Variants in PTPRF observed in about 807,000 individuals in gnomAD.
PTPRF encodes the protein receptor-type tyrosine-protein phosphatase F.
A neutral mutation model predicts 201.8 loss-of-function variants in PTPRF; 59 were observed. The ratio of observed to expected loss-of-function variants is 0.29; its 90% CI spans 0.24 to 0.36. PTPRF has a LOEUF of 0.36. Ranked by LOEUF, PTPRF falls within the 10% of genes least tolerant of loss-of-function variation. The probability of loss-of-function intolerance (pLI) is 1.00; values close to 1 mark genes in which losing one functional copy is unlikely to be tolerated. For missense variants in PTPRF, 2,132 were observed against 2,690.5 expected (o/e 0.79, Z 4.59); for synonymous variants, 1,088 against 1,089.7 (o/e 1.00, Z 0.03).
chr1:43,575,995 G>A (rs545747661), intron 6 of PTPRF: 134 of 1,326,444 alleles, frequency 1.0e-4, no homozygotes, highest in South Asian at 2.0e-4. Flanking sequence ...ACTCCATCCC[G>A]TCCAGTCTGT....
intron 5 of PTPRF, among the ~76,000 whole-genome samples, chr1:43,555,540 G>C (rs978221922): frequency 2.7e-5 from 4 of 150,664 alleles, no homozygotes; most frequent in African/African-American, 7.3e-5. Flanking sequence ...CTGCCTCCTG[G>C]GTTCAAGCGA....
chr1:43,603,298 C>A lies in PTPRF; in HGVS notation c.2341-118C>A. ...CACCATTGTATAGCCCCACCTTCCA[C>A]AACCCCTGGCCTTGTGTGCCCCGGG... On this transcript the variant is annotated intron_variant, in intron 14 of 33. Transcript: ENST00000359947. The surrounding 1 kb of genome is among the most constrained non-coding windows in gnomAD (Gnocchi z 5.8). The A allele has an allele frequency of 1.1e-6, 1 of 881,038 alleles. No homozygotes were observed. Among genetic ancestry groups the A allele is most frequent in the Non-Finnish European group, 1.8e-6 (1 of 540,922 alleles). 54.6% of individuals were successfully genotyped at this position (881,038 alleles called of 1,614,324 possible).
intron 8 of PTPRF, among the ~76,000 whole-genome samples, chr1:43,590,329 T>C (rs960938725): frequency 6.8e-6 from 1 of 147,604 alleles, no homozygotes; most frequent in African/African-American, 2.7e-5. Flanking sequence ...TGATTCTCTC[T>C]TGTACTGAGG....
intron 2 of PTPRF, among the ~76,000 whole-genome samples, chr1:43,544,120 G>T (rs972699677): frequency 6.6e-6 from 1 of 152,230 alleles, no homozygotes; most frequent in Non-Finnish European, 1.5e-5. Flanking sequence ...CATTCAGCCA[G>T]TCCCAGACGC....
chr1:43,584,693 C>T (rs1198820714), intron 7 of PTPRF, among the ~76,000 whole-genome samples: 5 of 152,222 alleles, frequency 3.3e-5, no homozygotes, highest in Admixed American at 6.5e-5. Context: ...TTACATTTTT[C>T]CAGCTTTACT....
upstream of PTPRF, among the ~76,000 whole-genome samples, chr1:43,526,257 AT>A (rs1643104391): frequency 6.6e-6 from 1 of 151,988 alleles, no homozygotes; most frequent in Admixed American, 6.6e-5. Context: ...CTCCTGTATC[AT>A]TTCTCCCTGC....
Position 43,618,745 on chromosome 1 carries a change from A to G in PTPRF, c.4487A>G (p.His1496Arg). ...ATYTVRTFAL[H>R]KSGSSEKREL... ...TACACTGTGCGCACCTTCGCACTCC[A>G]CAAGGTATAGCCTTTCCCCAGTGCA... is the stretch of plus-strand genomic sequence containing the variant. Residue 1496 changes from histidine to arginine, a missense_variant, in exon 26 of 34, where the codon CAC (histidine) becomes CGC (arginine). His to Arg is a conservative substitution (Grantham distance 29, BLOSUM62 0). Around this residue, in one of 6 missense-constraint regions of PTPRF, gnomAD observed 519 missense variants for 659.5 expected, o/e 0.79. Coordinates refer to ENST00000359947, the MANE Select transcript of PTPRF (RefSeq NM_002840.5). 6.2e-7 allele frequency: 1 copy of G among 1,601,040 alleles called. No homozygotes were observed. Among genetic ancestry groups the G allele is most frequent in the Non-Finnish European group, 8.6e-7 (1 of 1,169,266 alleles).
chr1:43,576,225 G>C lies in PTPRF; in HGVS notation c.569-2585G>C, dbSNP rs914428914. Reference sequence around the variant, plus strand: ...CATCCCCACAGAAGGGACCCCATCAGCTCCTACTGTGAAACTTAGCCTGTC... The same window carrying C: ...CATCCCCACAGAAGGGACCCCATCACCTCCTACTGTGAAACTTAGCCTGTC... On this transcript the variant is annotated intron_variant, in intron 6 of 33. Transcript: ENST00000359947. Among the ~76,000 whole-genome samples the C allele has an allele frequency of 2.0e-5, 3 of 152,270 alleles. No homozygotes were observed. The South Asian group carries it at 6.2e-4, about 31-fold the overall frequency.
At chr1:43,540,032 T>C (rs1243821555) in intron 2 of PTPRF, among the ~76,000 whole-genome samples, 1 of 152,016 alleles carries the variant, frequency 6.6e-6, no homozygotes, top group Non-Finnish European at 1.5e-5. Context: ...CTAGGCTCAA[T>C]TGGCAAAGGA....
intron 16 of PTPRF, 55 bp from the exon 17 acceptor site, chr1:43,604,848 C>G (rs1269735316): frequency 1.4e-6 from 2 of 1,474,732 alleles, no homozygotes; most frequent in Non-Finnish European, 1.9e-6. Context: ...CCCTTCCAGC[C>G]CATTCACCCC....
intron 22 of PTPRF, among the ~76,000 whole-genome samples, chr1:43,612,502 A>C (rs1397124752): frequency 6.6e-6 from 1 of 152,166 alleles, no homozygotes; most frequent in Non-Finnish European, 1.5e-5. Flanking sequence ...GAGCCCCCCA[A>C]GGCTGCCGAG....
Position 43,617,870 on chromosome 1 carries a change from G to A in PTPRF, c.4330G>A (p.Ala1444Thr), listed in dbSNP as rs751468520. The change falls in exon 25 of 34, where the codon GCC becomes ACC. Residue 1444 changes from alanine (A) to threonine (T), a missense_variant. Physicochemically the swap from Ala to Thr is moderately conservative, Grantham distance 58. Coordinates refer to ENST00000359947, the MANE Select transcript of PTPRF (RefSeq NM_002840.5). ...GAGGATGGTGTGGGAACAGCGCACG[G>A]CCACTGTGGTCATGATGACACGGCT... Reference protein sequence around the residue: ...FWRMVWEQRTATVVMMTRLEE... With the variant: ...FWRMVWEQRTTTVVMMTRLEE... 4 of 1,613,668 alleles carry A rather than the reference G, an allele frequency of 2.5e-6. No individual in the cohort carries two copies. In the South Asian group the frequency reaches 3.3e-5, roughly 13 times the overall value.
chr1:43,569,735 A>G lies in PTPRF; in HGVS notation c.525A>G (p.Val175=). The change falls in exon 6 of 34, where the codon GTA becomes GTG. Residue 175 remains valine (V), a synonymous_variant. Transcript: ENST00000359947. ...EISWFKDFLP[V]DPATSNGRIK... is the part of the protein sequence containing the mutation. ...CTTGGTTCAAGGACTTCCTTCCTGT[A>G]GACCCTGCCACGAGCAACGGCCGCA... 1 of 1,613,628 alleles carries G rather than the reference A, an allele frequency of 6.2e-7. No individual in the cohort carries two copies. Among genetic ancestry groups the G allele is most frequent in the South Asian group, 1.1e-5 (1 of 91,034 alleles).
chr1:43,606,596 C>T (rs1198737759), intron 20 of PTPRF, 138 bp downstream of exon 20: 2 of 1,097,792 alleles, frequency 1.8e-6, no homozygotes, highest in African/African-American at 1.6e-5. Flanking sequence ...ACTAAAGACC[C>T]AAGATCTGTC....
In PTPRF at chr1:43,606,906, G is replaced by A. The variant is rs199928151; in HGVS notation, c.3795G>A (p.Thr1265=). 5.6e-5 allele frequency: 90 copies of A among 1,614,188 alleles called. No homozygotes were observed. Among genetic ancestry groups the A allele is most frequent in the Middle Eastern group, 3.3e-4 (2 of 6,058 alleles). ...QQEEPEMLWV[T]GPVLAVILII... ...AGGAGCCGGAGATGCTGTGGGTGACGGGTCCCGTGCTGGCAGTCATCCTCA... is the reference window on the plus strand; with the variant it reads ...AGGAGCCGGAGATGCTGTGGGTGACAGGTCCCGTGCTGGCAGTCATCCTCA... Residue 1265 remains threonine (T), a synonymous_variant, in exon 21 of 34, where the codon ACG becomes ACA. Transcript: ENST00000359947.
upstream of PTPRF, among the ~76,000 whole-genome samples, chr1:43,527,170 T>C (rs1427752705): frequency 6.6e-6 from 1 of 152,158 alleles, no homozygotes; most frequent in Non-Finnish European, 1.5e-5. Flanking sequence ...CATCTGGCTC[T>C]CTCCTCACCC....
At chr1:43,551,789 G>C (rs191279537) in intron 3 of PTPRF, among the ~76,000 whole-genome samples, 166 of 152,356 alleles carry the variant, frequency 1.1e-3, no homozygotes, top group African/African-American at 3.8e-3. Flanking sequence ...ACCACGTAAA[G>C]CAGTTTACAG....
At position 43,546,608 on chromosome 1, in the gene PTPRF, A is replaced by T. The variant is rs975045886; in HGVS notation, c.91+1442A>T. ...CCAGGCACTTTCAGGGCCTTCAGAC[A>T]GGAGCTCTAGGGCAGGGGAAGGATG... On this transcript the variant is annotated intron_variant, in intron 3 of 33. Coordinates refer to ENST00000359947, the MANE Select transcript of PTPRF (RefSeq NM_002840.5). This position sits in a 1 kb window ranked among gnomAD's most constrained non-coding sequence, Gnocchi z 4.2. 3.9e-5 allele frequency among the ~76,000 whole-genome samples: 6 copies of T among 151,906 alleles called. No individual in the cohort carries two copies. The highest frequency in any genetic ancestry group is 1.2e-4 in the African/African-American group (5 of 41,320).
Position 43,592,497 on chromosome 1 carries a change from A to G in PTPRF, c.1709A>G (p.Glu570Gly), listed in dbSNP as rs373396517. ...TFDPTSSYTL[E>G]DLKPDTLYRF... ...GACCCAACCTCCTCCTACACACTAG[A>G]GGACCTGAAGCCTGACACACTCTAC... is the stretch of plus-strand genomic sequence containing the variant. Residue 570 changes from glutamate (E) to glycine (G), a missense_variant, in exon 11 of 34, where the codon GAG (glutamate) becomes GGG (glycine). Physicochemically the swap from Glu to Gly is moderately conservative, Grantham distance 98. Coordinates refer to ENST00000359947, the MANE Select transcript of PTPRF (RefSeq NM_002840.5). The G allele has an allele frequency of 4.7e-5, 76 of 1,612,684 alleles. No homozygotes were observed. Among genetic ancestry groups the G allele is most frequent in the Non-Finnish European group, 5.7e-5 (67 of 1,179,656 alleles).
Sources: gnomAD v4.1 joint callset for allele counts (sites outside exome capture counted in the v4.1 genomes callset) on GRCh38, gnomAD v4.1.1 for gene constraint, gnomAD v4.1.1 regional missense constraint, Gnocchi (gnomAD v3.1) non-coding constraint, MANE v1.5 for transcripts, NCBI Gene and HGNC (gene_info 2026-07-23, HGNC 2026-07-21) for gene names.